The following PTPN11 variants were observed in gnomAD, a reference collection of about 807,000 sequenced individuals.
PTPN11 encodes protein tyrosine phosphatase non-receptor type 11, also known as tyrosine-protein phosphatase non-receptor type 11.
A neutral mutation model predicts 78.8 loss-of-function variants in PTPN11; 6 were observed. That is an observed-to-expected ratio of 0.08 (90% CI 0.04 to 0.15). The LOEUF (loss-of-function observed/expected upper bound fraction) is 0.15, where lower values mean the gene tolerates loss of function less well. Ranked by LOEUF, PTPN11 falls within the 10% of genes least tolerant of loss-of-function variation. The pLI is 1.00. For missense variants in PTPN11, 386 were observed against 744.8 expected, an observed-to-expected ratio of 0.52 and a Z score of 5.61; for synonymous variants, 221 against 263.5, an observed-to-expected ratio of 0.84 and a Z score of 1.56.
intron 13 of PTPN11, among the ~76,000 whole-genome samples, chr12:112,496,322 A>G (rs1402086427): frequency 2.6e-5 from 4 of 151,822 alleles, no homozygotes; most frequent in African/African-American, 9.7e-5. Context: ...CTCCTCTTAT[A>G]TTTTTCCCTG....
intron 6 of PTPN11, 100 bp downstream of exon 6, chr12:112,456,163 A>T: frequency 1.3e-6 from 1 of 793,360 alleles, no homozygotes; most frequent in Non-Finnish European, 2.2e-6. Context: ...AGAGACTTGA[A>T]ACTGACGTCC....
At chr12:112,469,340 T>C (rs1234664283) in intron 6 of PTPN11, among the ~76,000 whole-genome samples, 1 of 151,818 alleles carries the variant, frequency 6.6e-6, no homozygotes, top group Non-Finnish European at 1.5e-5. Flanking sequence ...GTTTAACATC[T>C]ACCTCTAACA....
At chr12:112,453,964 T>C (rs1216195574) in intron 4 of PTPN11, among the ~76,000 whole-genome samples, 1 of 152,060 alleles carries the variant, frequency 6.6e-6, no homozygotes, top group African/African-American at 2.4e-5. Flanking sequence ...CAGATTTTCT[T>C]TGCTTACTTA....
At chr12:112,442,858 ATATATATATATATATATATAAAT>A (rs1311359379) in intron 1 of PTPN11, among the ~76,000 whole-genome samples, 5 of 99,806 alleles carry the variant, frequency 5.0e-5, no homozygotes, top group Admixed American at 1.3e-4. Context: ...ATATATATAT[ATATATATATATATATATATAAAT>A]TATATATACA....
At chr12:112,450,573 T>C (rs2135863354) in intron 3 of PTPN11, 61 bp downstream of exon 3, 1 of 1,489,308 alleles carries the variant, frequency 6.7e-7, no homozygotes, top group Non-Finnish European at 9.4e-7. Context: ...GTGTCAGAAA[T>C]GCATGACGGT....
At chr12:112,457,639 G>A (rs1407167494) in intron 6 of PTPN11, among the ~76,000 whole-genome samples, 3 of 152,188 alleles carry the variant, frequency 2.0e-5, no homozygotes, top group African/African-American at 7.2e-5. Context: ...CACCAACAGT[G>A]TAAAAGCATT....
chr12:112,457,617 A>G (rs921358278), intron 6 of PTPN11: 2 of 152,322 alleles, frequency 1.3e-5, no homozygotes, highest in African/African-American at 4.8e-5. Flanking sequence ...TGGTTCAACT[A>G]ATTTACACTC....
At chr12:112,486,922 G>C in intron 11 of PTPN11, 1 of 1,366,948 alleles carries the variant, frequency 7.3e-7, no homozygotes. Flanking sequence ...ACTTCATCCT[G>C]GCTCTGCAGT....
At chr12:112,448,961 A>G (rs1172195587) in intron 2 of PTPN11, among the ~76,000 whole-genome samples, 2 of 149,692 alleles carry the variant, frequency 1.3e-5, no homozygotes, top group African/African-American at 4.9e-5. Context: ...ATCTCGGCCG[A>G]CTGCAACTTC....
At chr12:112,459,472 GT>G (rs1211222862) in intron 6 of PTPN11, among the ~76,000 whole-genome samples, 1 of 141,682 alleles carries the variant, frequency 7.1e-6, no homozygotes, top group Admixed American at 7.1e-5. Context: ...GTTTTGTTTT[GT>G]TTTTTGTTTT....
chr12:112,496,491 A>G (rs1387902254), intron 13 of PTPN11, among the ~76,000 whole-genome samples: 2 of 152,184 alleles, frequency 1.3e-5, no homozygotes, highest in Admixed American at 6.5e-5. Flanking sequence ...ATATGGCTGT[A>G]TATGAATCCA....
intron 6 of PTPN11, among the ~76,000 whole-genome samples, chr12:112,471,980 T>A (rs1362771221): frequency 3.9e-5 from 6 of 152,184 alleles, no homozygotes; most frequent in Admixed American, 2.6e-4. Context: ...TTGTTGGCCA[T>A]GTCTGGTTTT....
intron 13 of PTPN11, among the ~76,000 whole-genome samples, chr12:112,492,103 A>G (rs1233921775): frequency 6.6e-6 from 1 of 152,216 alleles, no homozygotes; most frequent in Admixed American, 6.5e-5. Context: ...TAGGCCAGCT[A>G]TTTAGCAGAA....
chr12:112,485,609 T>C (rs1392831386), intron 10 of PTPN11, among the ~76,000 whole-genome samples: 1 of 152,180 alleles, frequency 6.6e-6, no homozygotes, highest in East Asian at 1.9e-4. Flanking sequence ...GTGCCTGGAA[T>C]TGGAGCCTAA....
chr12:112,471,612 A>T (rs1592842687), intron 6 of PTPN11, among the ~76,000 whole-genome samples: 1 of 151,588 alleles, frequency 6.6e-6, no homozygotes. Flanking sequence ...ATTTTTAAAG[A>T]TTTTTCTTAT....
chr12:112,473,058 G>T lies in PTPN11; in HGVS notation c.853+18G>T. On this transcript the variant is annotated intron_variant, in intron 7 of 15. Transcript: ENST00000351677. The stretch of plus-strand genomic sequence containing the variant: ...CCTGCCCTGTAAGTATCAATATTCC[G>T]CTCAGTAATAGTCACTCTTGGAGAT... 6.5e-7 allele frequency: 1 copy of T among 1,545,672 alleles called. No homozygotes were observed. Among genetic ancestry groups the T allele is most frequent in the South Asian group, 1.1e-5 (1 of 89,664 alleles).
chr12:112,463,344 GT>G (rs773059406), intron 6 of PTPN11, among the ~76,000 whole-genome samples: 1 of 151,954 alleles, frequency 6.6e-6, no homozygotes, highest in Non-Finnish European at 1.5e-5. Context: ...GCCTCCTAAA[GT>G]GTAAGCCACC....
At chr12:112,500,257 CA>C in intron 13 of PTPN11, among the ~76,000 whole-genome samples, 1 of 152,028 alleles carries the variant, frequency 6.6e-6, no homozygotes, top group East Asian at 1.9e-4. Flanking sequence ...ACAACAACAA[CA>C]AAAAAACCAA....
intron 6 of PTPN11, chr12:112,457,507 T>A (rs962680493): frequency 2.8e-4 from 45 of 161,446 alleles, no homozygotes; most frequent in African/African-American, 1.0e-3. Context: ...TAGTAGAATG[T>A]TTTATAATCC....
Sources: gnomAD v4.1 joint callset for allele counts (sites outside exome capture counted in the v4.1 genomes callset) on GRCh38, gnomAD v4.1.1 for gene constraint, MANE v1.5 for transcripts, NCBI Gene and HGNC (gene_info 2026-07-23, HGNC 2026-07-21) for gene names.